The following ATP8B4 variants were observed in gnomAD, a reference collection of about 807,000 sequenced individuals.
The protein encoded by ATP8B4 is ATPase phospholipid transporting 8B4 (putative), also known as probable phospholipid-transporting ATPase IM.
A neutral mutation model predicts 145.6 loss-of-function variants in ATP8B4; 133 were observed. The observed-to-expected ratio is 0.91, with a 90% CI of 0.79 to 1.05. ATP8B4 has a LOEUF of 1.05. ATP8B4 is among the 50% of genes least tolerant of loss of function. The pLI is 0.00. For synonymous variants in ATP8B4, 507 were observed against 492.9 expected (o/e 1.03, Z -0.38); for missense variants, 1,458 against 1,425.2 (o/e 1.02, Z -0.37).
chr15:50,035,082 A>G (rs1479480682), intron 6 of ATP8B4, among the ~76,000 whole-genome samples: 1 of 152,186 alleles, frequency 6.6e-6, no homozygotes, highest in Non-Finnish European at 1.5e-5. Flanking sequence ...TTTCTTAAGC[A>G]CTTTCACATA....
At chr15:50,139,910 A>G (rs754261474) in intron 1 of ATP8B4, among the ~76,000 whole-genome samples, 3 of 152,168 alleles carry the variant, frequency 2.0e-5, no homozygotes, top group Non-Finnish European at 4.4e-5. Context: ...CTGGATAAGC[A>G]CAATAGGTGT....
In ATP8B4 at chr15:49,931,423, C is replaced by T. The variant is rs2041244165; in HGVS notation, c.1454-116G>A. 3 of 980,186 alleles carry T rather than the reference C, an allele frequency of 3.1e-6. No individual in the cohort carries two copies. In the Admixed American group the frequency reaches 8.2e-5, roughly 27 times the overall value. The allele number at this position is 980,186 out of a possible 1,614,324, so 60.7% of individuals were successfully genotyped here. A position where few individuals can be genotyped will look rare whatever the true frequency, so the allele number is the denominator to read the frequency against. ...CAACTCAAGCATCAGGTCTAAAAAT[C>T]TTTCCTGTCCTCAGATCTTTTCTAC... On this transcript the variant is annotated intron_variant, in intron 15 of 27. Coordinates refer to ENST00000284509, the MANE Select transcript of ATP8B4 (RefSeq NM_024837.4).
At chr15:49,903,221 A>C (rs1030891677) in intron 20 of ATP8B4, among the ~76,000 whole-genome samples, 3 of 152,166 alleles carry the variant, frequency 2.0e-5, no homozygotes, top group Non-Finnish European at 4.4e-5. Flanking sequence ...TTCAAACACC[A>C]GCTGGTTCTC....
intron 23 of ATP8B4, chr15:49,895,484 A>C (rs1021234565): frequency 2.0e-5 from 3 of 152,274 alleles, no homozygotes; most frequent in African/African-American, 7.2e-5. Context: ...TTGTGCAATT[A>C]ACTAGAGATT....
chr15:49,927,142 C>T (rs1007674842), intron 16 of ATP8B4, among the ~76,000 whole-genome samples: 1 of 151,894 alleles, frequency 6.6e-6, no homozygotes, highest in Non-Finnish European at 1.5e-5. Context: ...ATATTTTTTA[C>T]TAATATAGTA....
intron 3 of ATP8B4, among the ~76,000 whole-genome samples, chr15:50,064,207 A>C (rs1466283110): frequency 3.3e-5 from 5 of 152,142 alleles, no homozygotes; most frequent in Non-Finnish European, 7.4e-5. Flanking sequence ...CTTCTTCCCT[A>C]AACTTTTGGA....
chr15:49,885,372 A>G (rs1379540179), intron 23 of ATP8B4, among the ~76,000 whole-genome samples: 1 of 152,200 alleles, frequency 6.6e-6, no homozygotes, highest in African/African-American at 2.4e-5. Flanking sequence ...GTTCTTTCTT[A>G]ACAATTCTGA....
chr15:50,118,758 C>G (rs186368024), intron 1 of ATP8B4, among the ~76,000 whole-genome samples: 1 of 152,044 alleles, frequency 6.6e-6, no homozygotes, highest in African/African-American at 2.4e-5. Flanking sequence ...GCACTGTATA[C>G]AAACCCCGTG....
intron 23 of ATP8B4, among the ~76,000 whole-genome samples, chr15:49,892,433 G>A (rs2036934374): frequency 1.3e-5 from 2 of 152,162 alleles, no homozygotes; most frequent in Admixed American, 6.5e-5. Flanking sequence ...TTGTCCCTTG[G>A]ACTAGAGTTA....
At chr15:50,040,763 A>T (rs1027067575) in intron 5 of ATP8B4, among the ~76,000 whole-genome samples, 1 of 152,302 alleles carries the variant, frequency 6.6e-6, no homozygotes, top group Non-Finnish European at 1.5e-5. Context: ...GTCTGGAAGG[A>T]TTAGAAATGG....
intron 1 of ATP8B4, among the ~76,000 whole-genome samples, chr15:50,146,542 T>G (rs909073217): frequency 3.3e-5 from 5 of 152,194 alleles, no homozygotes; most frequent in African/African-American, 1.2e-4. Context: ...AAGGTAAGTT[T>G]GTCTTTGGTA....
intron 3 of ATP8B4, among the ~76,000 whole-genome samples, chr15:50,058,701 G>A (rs186151531): frequency 3.3e-5 from 5 of 152,238 alleles, no homozygotes; most frequent in Admixed American, 1.3e-4. Context: ...TGCCCAGGGG[G>A]TACTGGAGCA....
At chr15:49,946,554 CT>C (rs1289015949) in intron 14 of ATP8B4, among the ~76,000 whole-genome samples, 1 of 152,092 alleles carries the variant, frequency 6.6e-6, no homozygotes, top group Non-Finnish European at 1.5e-5. Flanking sequence ...TTCCTGTGAG[CT>C]TAAAGTGACC....
chr15:49,883,798 A>G (rs2035799538), intron 23 of ATP8B4, among the ~76,000 whole-genome samples: 1 of 152,176 alleles, frequency 6.6e-6, no homozygotes, highest in Non-Finnish European at 1.5e-5. Context: ...TATATTAAAA[A>G]AAAACCCAAA....
chr15:50,057,893 T>TC (rs1171584429), intron 3 of ATP8B4, among the ~76,000 whole-genome samples: 1 of 150,240 alleles, frequency 6.7e-6, no homozygotes, highest in Non-Finnish European at 1.5e-5. Flanking sequence ...ATCACACTAA[T>TC]TTTTTTTTCT....
At chr15:49,920,506 A>G in intron 17 of ATP8B4, 96 bp from the exon 18 acceptor site, 2 of 1,364,212 alleles carry the variant, frequency 1.5e-6, no homozygotes, top group Non-Finnish European at 2.0e-6. Flanking sequence ...TTTCACTCAA[A>G]TTCATTTTGT....
chr15:50,156,919 T>C (rs1421317046), intron 1 of ATP8B4, among the ~76,000 whole-genome samples: 1 of 152,244 alleles, frequency 6.6e-6, no homozygotes, highest in Non-Finnish European at 1.5e-5. Context: ...ATTAGCCATC[T>C]TGTATCTACC....
intron 1 of ATP8B4, among the ~76,000 whole-genome samples, chr15:50,124,300 AAGG>A (rs778795954): frequency 6.6e-6 from 1 of 152,258 alleles, no homozygotes; most frequent in East Asian, 1.9e-4. Flanking sequence ...TTATGAAATA[AAGG>A]AGGTTTCTTT....
At chr15:50,019,108 A>G (rs920162445) in intron 6 of ATP8B4, 7 of 489,030 alleles carry the variant, frequency 1.4e-5, no homozygotes, top group Non-Finnish European at 3.8e-6. Context: ...ATGACTTTTT[A>G]GGAACAATCT....
Sources: allele counts gnomAD v4.1 joint callset (sites outside exome capture counted in the v4.1 genomes callset), GRCh38; gene constraint gnomAD v4.1.1; transcripts MANE v1.5; gene names NCBI Gene and HGNC (gene_info 2026-07-23, HGNC 2026-07-21).